AFF3: variants seen among roughly 807,000 people sequenced by gnomAD.
The protein encoded by AFF3 is ALF transcription elongation factor 3.
A neutral mutation model predicts 129.7 loss-of-function variants in AFF3; 32 were observed. The ratio of observed to expected loss-of-function variants is 0.25; its 90% CI spans 0.19 to 0.33. The LOEUF is 0.33. AFF3 is among the 10% of genes least tolerant of loss of function. The pLI is 1.00. For missense variants in AFF3, 1,373 were observed against 1,592.0 expected, an observed-to-expected ratio of 0.86 and a Z score of 2.34; for synonymous variants, 644 against 635.4, an observed-to-expected ratio of 1.01 and a Z score of -0.20.
chr2:99,660,145 G>C (rs867600248), intron 12 of AFF3, among the ~76,000 whole-genome samples: 7 of 152,198 alleles, frequency 4.6e-5, no homozygotes, highest in Middle Eastern at 3.2e-3. Context: ...ATCGCAATAT[G>C]ATGCTTTGGT....
At chr2:99,628,882 A>G (rs1461914966) in intron 13 of AFF3, among the ~76,000 whole-genome samples, 2 of 151,992 alleles carry the variant, frequency 1.3e-5, no homozygotes, top group South Asian at 2.1e-4. Flanking sequence ...CACCATGCCC[A>G]GTTAATTTTT....
chr2:99,584,805 T>G (rs530308865), intron 16 of AFF3, among the ~76,000 whole-genome samples: 3 of 152,342 alleles, frequency 2.0e-5, no homozygotes, highest in Non-Finnish European at 4.4e-5. Flanking sequence ...TACTCATTAT[T>G]CTTGGGGTTG....
intron 11 of AFF3, among the ~76,000 whole-genome samples, chr2:99,689,008 C>G (rs188584058): frequency 6.6e-6 from 1 of 152,180 alleles, no homozygotes; most frequent in African/African-American, 2.4e-5. Flanking sequence ...GTCCTCTGCA[C>G]GTGGGTTTTG....
chr2:99,588,222 G>A (rs555663884), intron 15 of AFF3, among the ~76,000 whole-genome samples: 1 of 152,168 alleles, frequency 6.6e-6, no homozygotes, highest in African/African-American at 2.4e-5. Flanking sequence ...TGTCACCCAG[G>A]CTGGAGTGCA....
At chr2:99,814,853 C>CTTT (rs34474594) in intron 8 of AFF3, among the ~76,000 whole-genome samples, 11 of 143,540 alleles carry the variant, frequency 7.7e-5, no homozygotes, top group African/African-American at 1.5e-4. Context: ...TTTAATTATA[C>CTTT]TTTTTTTTTT....
intron 7 of AFF3, among the ~76,000 whole-genome samples, chr2:99,974,074 G>A (rs907375412): frequency 6.6e-6 from 1 of 152,202 alleles, no homozygotes; most frequent in Admixed American, 6.5e-5. Flanking sequence ...TGTTGAATAT[G>A]TACAAATTAT....
At chr2:99,743,993 T>C in intron 10 of AFF3, 111 bp downstream of exon 10, 1 of 922,060 alleles carries the variant, frequency 1.1e-6, no homozygotes, top group East Asian at 2.8e-5. Context: ...AGTTTTTTAG[T>C]GAATTTCTTT....
intron 22 of AFF3, among the ~76,000 whole-genome samples, chr2:99,556,153 C>A (rs955600703): frequency 6.6e-6 from 1 of 152,148 alleles, no homozygotes; most frequent in African/African-American, 2.4e-5. Flanking sequence ...GTAAAGGCTA[C>A]TGAATGGAGG....
chr2:99,642,066 A>C (rs1442410201), intron 13 of AFF3, among the ~76,000 whole-genome samples: 3 of 152,230 alleles, frequency 2.0e-5, no homozygotes. Flanking sequence ...GTACAAATGC[A>C]AAACATAAGT....
chr2:99,610,038 G>T (rs1363225513), intron 13 of AFF3, among the ~76,000 whole-genome samples: 1 of 152,148 alleles, frequency 6.6e-6, no homozygotes, highest in Admixed American at 6.5e-5. Context: ...TGGACAACGA[G>T]TTCCATCATC....
At chr2:100,140,822 T>C (rs1692836120) in intron 1 of AFF3, among the ~76,000 whole-genome samples, 1 of 152,166 alleles carries the variant, frequency 6.6e-6, no homozygotes, top group South Asian at 2.1e-4. Flanking sequence ...TGCTCACTAC[T>C]TGTCTGTAGC....
chr2:99,734,070 G>A (rs966307372), intron 10 of AFF3, among the ~76,000 whole-genome samples: 3 of 152,038 alleles, frequency 2.0e-5, no homozygotes, highest in African/African-American at 4.8e-5. Context: ...GGTATTAGGC[G>A]TCTCCATTTA....
intron 4 of AFF3, among the ~76,000 whole-genome samples, chr2:100,015,896 C>T (rs1682980062): frequency 6.6e-6 from 1 of 150,738 alleles, no homozygotes; most frequent in African/African-American, 2.4e-5. Context: ...AGCAGAAGTA[C>T]TGGCAGTAGT....
Position 99,554,699 on chromosome 2 carries a change from A to G in AFF3, c.3319T>C (p.Trp1107Arg). 6.2e-7 allele frequency: 1 copy of G among 1,614,232 alleles called. No individual in the cohort carries two copies. The highest frequency in any genetic ancestry group is 1.6e-4 in the Middle Eastern group (1 of 6,062). The change falls in exon 23 of 25, where the codon TGG becomes CGG. Residue 1107 changes from tryptophan to arginine, a missense_variant. Physicochemically the swap from Trp to Arg is moderately radical, Grantham distance 101. This residue lies in a region of AFF3 where 165 missense variants were observed against 234.0 expected (regional missense o/e 0.71). Transcript: ENST00000672756. ...CGAACTTACTTTCCACTGGCCCCCC[A>G]CGGAGATGGGGCTTGGGCGGCTTTA... is the stretch of plus-strand genomic sequence containing the variant. ...SSKAAQAPSP[W>R]GASGKSTGTP... is the part of the protein sequence containing the mutation.
intron 2 of AFF3, among the ~76,000 whole-genome samples, chr2:100,127,598 T>G (rs985036257): frequency 6.6e-6 from 1 of 152,200 alleles, no homozygotes; most frequent in Non-Finnish European, 1.5e-5. Context: ...GCTCTGAATG[T>G]TTGAATAAAC....
intron 11 of AFF3, among the ~76,000 whole-genome samples, chr2:99,695,985 A>C (rs527766340): frequency 2.6e-5 from 4 of 151,396 alleles, no homozygotes; most frequent in Non-Finnish European, 5.9e-5. Flanking sequence ...CAAAAAAAAA[A>C]AAACTAAAAA....
intron 2 of AFF3, among the ~76,000 whole-genome samples, chr2:100,123,802 T>C (rs1164811568): frequency 6.6e-6 from 1 of 152,000 alleles, no homozygotes; most frequent in East Asian, 1.9e-4. Flanking sequence ...TGAAACACAG[T>C]CACTTAATCC....
chr2:99,617,580 T>C (rs897235483), intron 13 of AFF3, among the ~76,000 whole-genome samples: 4 of 152,234 alleles, frequency 2.6e-5, no homozygotes, highest in Non-Finnish European at 5.9e-5. Flanking sequence ...TATCAGTATA[T>C]ATCTCTGTCT....
At chr2:99,728,485 C>T (rs1679543402) in intron 10 of AFF3, among the ~76,000 whole-genome samples, 1 of 152,182 alleles carries the variant, frequency 6.6e-6, no homozygotes, top group South Asian at 2.1e-4. Flanking sequence ...GAATGACTCC[C>T]TAAATTACAT....
Sources: gnomAD v4.1 joint callset for allele counts (sites outside exome capture counted in the v4.1 genomes callset) on GRCh38, gnomAD v4.1.1 for gene constraint, gnomAD v4.1.1 regional missense constraint, MANE v1.5 for transcripts, NCBI Gene and HGNC (gene_info 2026-07-23, HGNC 2026-07-21) for gene names.